Variants in KATNAL1 observed in about 807,000 individuals in gnomAD.
The protein encoded by KATNAL1 is katanin catalytic subunit A1 like 1, also known as katanin p60 ATPase-containing subunit A-like 1.
A neutral mutation model predicts 55.2 loss-of-function variants in KATNAL1; 32 were observed. The observed-to-expected ratio is 0.58, with a 90% CI of 0.44 to 0.78. KATNAL1 has a LOEUF of 0.78. KATNAL1 is among the 30% of genes least tolerant of loss of function. KATNAL1 has a pLI of 0.00. For synonymous variants in KATNAL1, 193 were observed against 193.6 expected (o/e 1.00, Z 0.02); for missense variants, 466 against 600.9 (o/e 0.78, Z 2.35).
At chr13:30,226,621 G>A (rs1361137835) in intron 9 of KATNAL1, among the ~76,000 whole-genome samples, 1 of 152,188 alleles carries the variant, frequency 6.6e-6, no homozygotes, top group East Asian at 1.9e-4. Context: ...CAGGATGATA[G>A]AAATGCCCTA....
intron 6 of KATNAL1, among the ~76,000 whole-genome samples, chr13:30,235,056 G>C (rs1159755664): frequency 6.6e-6 from 1 of 152,204 alleles, no homozygotes; most frequent in Non-Finnish European, 1.5e-5. Flanking sequence ...CCTCTGGGAA[G>C]AGGAAGAGAA....
At chr13:30,274,077 G>A (rs1178987910) in intron 3 of KATNAL1, among the ~76,000 whole-genome samples, 1 of 152,148 alleles carries the variant, frequency 6.6e-6, no homozygotes, top group African/African-American at 2.4e-5. Flanking sequence ...ATCCTACAAA[G>A]CAATCTCACT....
At chr13:30,248,149 GA>G (rs1267823134) in intron 4 of KATNAL1, among the ~76,000 whole-genome samples, 2 of 152,172 alleles carry the variant, frequency 1.3e-5, no homozygotes, top group East Asian at 1.9e-4. Flanking sequence ...TTCAGTCTAA[GA>G]AAAGTATGTG....
chr13:30,242,394 A>C (rs1877365971), intron 4 of KATNAL1, among the ~76,000 whole-genome samples: 1 of 152,182 alleles, frequency 6.6e-6, no homozygotes, highest in Non-Finnish European at 1.5e-5. Flanking sequence ...AAAAACAGTA[A>C]ATATTTGGGC....
intron 1 of KATNAL1, among the ~76,000 whole-genome samples, chr13:30,291,170 A>T (rs536764415): frequency 1.3e-5 from 2 of 152,270 alleles, no homozygotes; most frequent in Admixed American, 1.3e-4. Flanking sequence ...TACAGAAAAC[A>T]TGATTGTCAG....
intron 3 of KATNAL1, among the ~76,000 whole-genome samples, chr13:30,272,376 C>T (rs921385583): frequency 2.0e-5 from 3 of 151,398 alleles, no homozygotes; most frequent in East Asian, 1.9e-4. Flanking sequence ...TCAGCCTGGG[C>T]GACACAGCAA....
rs145098692 is a variant in KATNAL1, at chr13:30,239,906, G to A, written c.726+554C>T. Reference sequence around the variant, plus strand: ...TCACCATGTTGGGCAGGATGGTCTCGATCTCCTGGCCTCGTGATCCACCCT... The same window carrying A: ...TCACCATGTTGGGCAGGATGGTCTCAATCTCCTGGCCTCGTGATCCACCCT... On this transcript the variant is annotated intron_variant, in intron 6 of 10. Coordinates refer to ENST00000380615, the MANE Select transcript of KATNAL1 (RefSeq NM_032116.5). 1.8e-3 allele frequency among the ~76,000 whole-genome samples: 276 copies of A among 152,074 alleles called. 1 individual carries two copies. The highest frequency in any genetic ancestry group is 6.1e-3 in the African/African-American group (252 of 41,472).
chr13:30,300,940 G>C (rs1409513409), intron 1 of KATNAL1, among the ~76,000 whole-genome samples: 1 of 152,152 alleles, frequency 6.6e-6, no homozygotes, highest in East Asian at 1.9e-4. Flanking sequence ...AGGGTTCTAA[G>C]AGCTTAAACG....
chr13:30,237,864 G>C (rs1876849289), intron 6 of KATNAL1, among the ~76,000 whole-genome samples: 1 of 152,064 alleles, frequency 6.6e-6, no homozygotes, highest in African/African-American at 2.4e-5. Flanking sequence ...TTTTGCCATA[G>C]GCAAAAGCCA....
In KATNAL1 at chr13:30,206,848, A is replaced by C. The variant is rs1211246052; in HGVS notation, c.*1692T>G. 6.6e-6 allele frequency: 1 copy of C among 152,032 alleles called. No individual in the cohort carries two copies. The highest frequency in any genetic ancestry group is 1.5e-5 in the Non-Finnish European group (1 of 68,018). The allele number at this position is 152,032 out of a possible 1,614,324, so 9.4% of individuals were successfully genotyped here. ...TTATTTTAAAAGTTAATAAAAGGAA[A>C]CCTCTCAATTTTTAGGAAGAATTCA... On this transcript the variant is annotated 3_prime_UTR_variant, in exon 11 of 11. Transcript: ENST00000380615.
At chr13:30,294,805 C>T (rs562405795) in intron 1 of KATNAL1, among the ~76,000 whole-genome samples, 5 of 152,276 alleles carry the variant, frequency 3.3e-5, no homozygotes, top group Admixed American at 6.5e-5. Flanking sequence ...ATTTAGCTGA[C>T]GACTTGAAGT....
Position 30,227,476 on chromosome 13 carries a change from C to G in KATNAL1, c.1083G>C (p.Pro361=). 6.2e-7 allele frequency: 1 copy of G among 1,613,524 alleles called. No homozygotes were observed. The change falls in exon 9 of 11, where the codon CCG becomes CCC. Residue 361 remains proline (P), a synonymous_variant. Coordinates refer to ENST00000380615, the MANE Select transcript of KATNAL1 (RefSeq NM_032116.5). Reference sequence around the variant, plus strand: ...TTCGCAAAGCTTCATCAATGTCCCACGGGAAATTAGTAGCAGCCAATACCA... The same window carrying G: ...TTCGCAAAGCTTCATCAATGTCCCAGGGGAAATTAGTAGCAGCCAATACCA... ...MVMVLAATNF[P]WDIDEALRRR... is the part of the protein sequence containing the mutation.
intron 3 of KATNAL1, among the ~76,000 whole-genome samples, chr13:30,274,903 G>A (rs867693907): frequency 1.1e-3 from 99 of 93,736 alleles, no homozygotes; most frequent in South Asian, 2.6e-3. Context: ...GCGCGCGCGC[G>A]CGCGCACACA....
At chr13:30,267,383 T>C (rs1226661665) in intron 3 of KATNAL1, among the ~76,000 whole-genome samples, 2 of 152,224 alleles carry the variant, frequency 1.3e-5, no homozygotes, top group Admixed American at 6.5e-5. Context: ...CTGAGATTAT[T>C]CTACTGATTT....
intron 9 of KATNAL1, among the ~76,000 whole-genome samples, chr13:30,211,784 A>T (rs1023875939): frequency 2.0e-5 from 3 of 152,248 alleles, no homozygotes; most frequent in African/African-American, 7.2e-5. Context: ...GAGCAACAGC[A>T]AAGTGGAAAG....
At chr13:30,272,862 A>G (rs1880485745) in intron 3 of KATNAL1, among the ~76,000 whole-genome samples, 1 of 152,144 alleles carries the variant, frequency 6.6e-6, no homozygotes, top group South Asian at 2.1e-4. Context: ...ACCCTGAAAA[A>G]CACCCTCTGT....
rs1872856332 is a variant in KATNAL1 at position 30,203,525 on chromosome 13, G to A, written c.*5015C>T. 1 of 151,394 alleles carries A rather than the reference G, an allele frequency of 6.6e-6. No individual in the cohort carries two copies. Among genetic ancestry groups the A allele is most frequent in the South Asian group, 2.1e-4 (1 of 4,830 alleles). The allele number at this position is 151,394 out of a possible 1,614,324, so 9.4% of individuals were successfully genotyped here. A position where few individuals can be genotyped will look rare whatever the true frequency, so the allele number is the denominator to read the frequency against. On this transcript the variant is annotated 3_prime_UTR_variant, in exon 11 of 11. Transcript: ENST00000380615. ...CAAATGGGAGTCCTTTTATAAGAGG[G>A]AAACTTCTCTATACAAATTCCCTAT...
chr13:30,300,718 C>T (rs1882801686), intron 1 of KATNAL1, among the ~76,000 whole-genome samples: 2 of 152,058 alleles, frequency 1.3e-5, no homozygotes, highest in Admixed American at 1.3e-4. Context: ...AACCACAATA[C>T]CTCCCATCTC....
At chr13:30,292,006 G>C (rs1028525882) in intron 1 of KATNAL1, among the ~76,000 whole-genome samples, 2 of 152,124 alleles carry the variant, frequency 1.3e-5, no homozygotes, top group African/African-American at 4.8e-5. Context: ...CTGCACTCCA[G>C]CCAAGGCAAC....
Sources: gnomAD v4.1 joint callset for allele counts (sites outside exome capture counted in the v4.1 genomes callset) on GRCh38, gnomAD v4.1.1 for gene constraint, MANE v1.5 for transcripts, NCBI Gene and HGNC (gene_info 2026-07-23, HGNC 2026-07-21) for gene names.